HERC4: variants seen among roughly 807,000 people sequenced by gnomAD.
HERC4 encodes probable E3 ubiquitin-protein ligase HERC4.
In HERC4, 28 loss-of-function variants were observed where a neutral mutation model predicts 124.3. The observed-to-expected ratio is 0.23, with a 90% CI of 0.17 to 0.31. The LOEUF is 0.31. Among genes scored for constraint, HERC4 ranks in the 10% least tolerant of loss-of-function variants. The pLI, the probability that HERC4 is intolerant of heterozygous loss-of-function variation, is 1.00. For missense variants in HERC4, 713 were observed against 1,229.3 expected (o/e 0.58, Z 6.28); for synonymous variants, 407 against 421.5 (o/e 0.97, Z 0.42).
chr10:68,068,936 T>G, intron 3 of HERC4: 1 of 488,150 alleles, frequency 2.0e-6, no homozygotes, highest in Non-Finnish European at 2.7e-6. Flanking sequence ...TTGTGAGAAT[T>G]AAATGAGATA....
intron 20 of HERC4, 67 bp from the exon 21 acceptor site, chr10:67,939,721 G>T: frequency 1.6e-6 from 1 of 633,284 alleles, no homozygotes; most frequent in Non-Finnish European, 2.7e-6. Flanking sequence ...TTTACTTATG[G>T]ATATATATAT....
At chr10:67,945,175 T>C (rs1419822835) in intron 19 of HERC4, among the ~76,000 whole-genome samples, 4 of 151,808 alleles carry the variant, frequency 2.6e-5, no homozygotes, top group Non-Finnish European at 5.9e-5. Flanking sequence ...CTCCCAAAGG[T>C]CAAGGATAAA....
chr10:67,979,013 A>G (rs1403276451), intron 15 of HERC4, among the ~76,000 whole-genome samples: 1 of 152,178 alleles, frequency 6.6e-6, no homozygotes, highest in Non-Finnish European at 1.5e-5. Context: ...GCACGAAGAC[A>G]CACAAGTCCA....
chr10:67,963,048 C>T (rs2034621462), intron 16 of HERC4, among the ~76,000 whole-genome samples: 1 of 152,082 alleles, frequency 6.6e-6, no homozygotes, highest in Non-Finnish European at 1.5e-5. Flanking sequence ...AAGTAATTTT[C>T]CCAAGGACAG....
At chr10:67,928,606 C>T (rs910601780) in intron 23 of HERC4, among the ~76,000 whole-genome samples, 1 of 152,040 alleles carries the variant, frequency 6.6e-6, no homozygotes, top group African/African-American at 2.4e-5. Flanking sequence ...ATTCTTGAGC[C>T]TTTCAGATTC....
chr10:67,923,364 A>C (rs1222779903), intron 24 of HERC4, among the ~76,000 whole-genome samples: 3 of 152,226 alleles, frequency 2.0e-5, no homozygotes, highest in Non-Finnish European at 4.4e-5. Context: ...GCACAAAGGA[A>C]GTGCTTAATA....
chr10:68,055,750 A>G (rs1311499617), intron 3 of HERC4, among the ~76,000 whole-genome samples: 1 of 150,448 alleles, frequency 6.6e-6, no homozygotes, highest in Non-Finnish European at 1.5e-5. Flanking sequence ...GGGCATTACA[A>G]TATCCTTTTT....
intron 3 of HERC4, among the ~76,000 whole-genome samples, chr10:68,065,804 G>A (rs1265138658): frequency 1.3e-5 from 2 of 152,068 alleles, no homozygotes; most frequent in Non-Finnish European, 2.9e-5. Flanking sequence ...AGGCTGCATT[G>A]AGCCACGATT....
intron 21 of HERC4, among the ~76,000 whole-genome samples, chr10:67,938,508 T>C (rs566967818): frequency 3.3e-5 from 5 of 151,280 alleles, no homozygotes; most frequent in African/African-American, 9.7e-5. Flanking sequence ...TCTCCAAGAG[T>C]CTAATTTATA....
chr10:67,956,720 C>A, intron 17 of HERC4, 158 bp downstream of exon 17: 1 of 411,138 alleles, frequency 2.4e-6, no homozygotes, highest in Non-Finnish European at 4.3e-6. Context: ...TAAATGTTCT[C>A]ATAAGAATAT....
At chr10:68,041,289 C>T (rs2039754361) in intron 4 of HERC4, among the ~76,000 whole-genome samples, 1 of 150,990 alleles carries the variant, frequency 6.6e-6, no homozygotes, top group African/African-American at 2.5e-5. Flanking sequence ...AATCTTAACA[C>T]CAACTCATTT....
intron 23 of HERC4, among the ~76,000 whole-genome samples, chr10:67,930,095 C>T (rs1377311245): frequency 2.6e-5 from 4 of 151,938 alleles, no homozygotes; most frequent in Admixed American, 6.6e-5. Flanking sequence ...CGTGAGCCAC[C>T]GCGCCCGGCC....
chr10:68,012,977 G>C (rs1235572304), intron 9 of HERC4, among the ~76,000 whole-genome samples: 1 of 152,150 alleles, frequency 6.6e-6, no homozygotes, highest in Non-Finnish European at 1.5e-5. Flanking sequence ...TTGTTTGGAT[G>C]CCACAAACCA....
intron 19 of HERC4, among the ~76,000 whole-genome samples, chr10:67,942,431 A>G (rs1230855469): frequency 2.0e-5 from 3 of 152,206 alleles, no homozygotes; most frequent in Non-Finnish European, 4.4e-5. Flanking sequence ...GAGAAATTCT[A>G]CTTCCTAAGG....
chr10:68,017,425 A>G (rs1414587197), intron 8 of HERC4, among the ~76,000 whole-genome samples: 1 of 152,238 alleles, frequency 6.6e-6, no homozygotes, highest in South Asian at 2.1e-4. Context: ...TATGTCACTG[A>G]CATGTTGTTT....
At chr10:67,923,334 A>C (rs1022233270) in intron 24 of HERC4, among the ~76,000 whole-genome samples, 195 bp from the exon 25 acceptor site, 1 of 152,224 alleles carries the variant, frequency 6.6e-6, no homozygotes, top group African/African-American at 2.4e-5. Flanking sequence ...TTTTTCTTTA[A>C]AAGTATAATC....
intron 4 of HERC4, chr10:68,039,889 C>T (rs531676821): frequency 2.0e-6 from 2 of 991,376 alleles, no homozygotes; most frequent in South Asian, 4.4e-5. Context: ...TACAATTTTG[C>T]AAATGAAACA....
chr10:68,051,844 T>C (rs953465421), intron 3 of HERC4, among the ~76,000 whole-genome samples: 1 of 151,560 alleles, frequency 6.6e-6, no homozygotes, highest in Non-Finnish European at 1.5e-5. Context: ...TAATTTTTTG[T>C]ATTTTTTAGA....
intron 16 of HERC4, among the ~76,000 whole-genome samples, chr10:67,959,452 T>C (rs2034360462): frequency 6.6e-6 from 1 of 152,016 alleles, no homozygotes; most frequent in African/African-American, 2.4e-5. Context: ...ATCCTATGCC[T>C]GGCTTGGTCT....
Sources: gnomAD v4.1 joint callset for allele counts (sites outside exome capture counted in the v4.1 genomes callset) on GRCh38, gnomAD v4.1.1 for gene constraint, MANE v1.5 for transcripts, NCBI Gene and HGNC (gene_info 2026-07-23, HGNC 2026-07-21) for gene names.